The following ARMH3 variants were observed in gnomAD, a reference collection of about 807,000 sequenced individuals.
ARMH3 encodes armadillo like helical domain containing 3, also known as armadillo-like helical domain-containing protein 3.
A neutral mutation model predicts 99.1 loss-of-function variants in ARMH3; 60 were observed. The observed-to-expected ratio is 0.61, with a 90% CI of 0.49 to 0.75. The LOEUF is 0.75. ARMH3 is among the 30% of genes least tolerant of loss of function. The pLI, the probability that ARMH3 is intolerant of heterozygous loss-of-function variation, is 0.00. For synonymous variants in ARMH3, 285 were observed against 292.8 expected, an observed-to-expected ratio of 0.97 and a Z score of 0.27; for missense variants, 679 against 843.1, an observed-to-expected ratio of 0.81 and a Z score of 2.41.
intron 23 of ARMH3, among the ~76,000 whole-genome samples, chr10:101,893,792 C>T (rs544893461): frequency 6.6e-5 from 10 of 152,142 alleles, no homozygotes; most frequent in Admixed American, 5.9e-4. Flanking sequence ...GAAGGCATTA[C>T]CTTCAAAATG....
intron 24 of ARMH3, among the ~76,000 whole-genome samples, chr10:101,852,040 TG>T (rs199640039): frequency 3.8e-3 from 3 of 798 alleles, no homozygotes; most frequent in African/African-American, 4.5e-3. Context: ...TCCTCCAAGA[TG>T]GAAATCAGCC....
chr10:102,055,636 G>T (rs757499535), intron 1 of ARMH3, among the ~76,000 whole-genome samples: 6 of 152,204 alleles, frequency 3.9e-5, no homozygotes, highest in Non-Finnish European at 7.3e-5. Flanking sequence ...GCCCTTCCGG[G>T]ACACCTGAAG....
chr10:101,916,543 G>A (rs893115589), intron 23 of ARMH3, among the ~76,000 whole-genome samples: 11 of 152,170 alleles, frequency 7.2e-5, no homozygotes, highest in African/African-American at 2.4e-4. Flanking sequence ...ACCCTTCCCT[G>A]TGAAGAACTA....
chr10:101,848,998 A>C lies in ARMH3; in HGVS notation c.1977+778T>G, dbSNP rs573766201. ...AGTTGGGCTGTGTTTAGCACAAGAC[A>C]AACGATCTAATACGCAGTGCCTTCA... On this transcript the variant is annotated intron_variant, in intron 25 of 25. Transcript: ENST00000370033. Among the ~76,000 whole-genome samples the C allele has an allele frequency of 1.1e-4, 16 of 152,338 alleles. No individual in the cohort carries two copies. The South Asian group carries it at 3.3e-3, about 32-fold the overall frequency.
chr10:101,852,716 T>G (rs1478041929), intron 24 of ARMH3, among the ~76,000 whole-genome samples: 2 of 150,430 alleles, frequency 1.3e-5, no homozygotes, highest in Non-Finnish European at 3.0e-5. Context: ...ATCACGCCAC[T>G]GCACTACTGC....
chr10:101,906,923 T>C (rs1473096892), intron 23 of ARMH3, among the ~76,000 whole-genome samples: 1 of 152,178 alleles, frequency 6.6e-6, no homozygotes, highest in East Asian at 1.9e-4. Context: ...AGTTTCTCTA[T>C]TCTAGGAAAA....
At chr10:102,008,198 T>C (rs1405972832) in intron 13 of ARMH3, among the ~76,000 whole-genome samples, 1 of 152,194 alleles carries the variant, frequency 6.6e-6, no homozygotes, top group Admixed American at 6.5e-5. Context: ...AACTCTTAAG[T>C]GTTCTATGAA....
chr10:101,962,854 A>G lies in ARMH3; in HGVS notation c.1496-5122T>C, dbSNP rs146879021. 1.1e-4 allele frequency among the ~76,000 whole-genome samples: 17 copies of G among 152,290 alleles called. No homozygotes were observed. The East Asian group carries it at 2.5e-3, about 22-fold the overall frequency. ...GGGATACAGGAGCTATCTAGGGCCA[A>G]TATCTATATTTGCCACCAAAAACCA... On this transcript the variant is annotated intron_variant, in intron 20 of 25. Transcript: ENST00000370033.
intron 19 of ARMH3, among the ~76,000 whole-genome samples, chr10:101,988,386 C>A (rs796074819): frequency 6.6e-5 from 10 of 152,182 alleles, no homozygotes; most frequent in African/African-American, 2.4e-4. Context: ...ATAGCAAAAA[C>A]AAATCTGAAC....
intron 24 of ARMH3, among the ~76,000 whole-genome samples, chr10:101,854,416 A>C (rs2066683358): frequency 6.6e-6 from 1 of 152,234 alleles, no homozygotes; most frequent in South Asian, 2.1e-4. Context: ...TTCACAGTCC[A>C]GGAAGTACCT....
chr10:101,978,501 A>C (rs900163105), intron 19 of ARMH3, among the ~76,000 whole-genome samples: 1 of 152,254 alleles, frequency 6.6e-6, no homozygotes, highest in Non-Finnish European at 1.5e-5. Context: ...TGTATACAAA[A>C]GAAAAACACA....
chr10:101,883,984 T>G (rs1049563508), intron 24 of ARMH3, among the ~76,000 whole-genome samples: 1 of 150,514 alleles, frequency 6.6e-6, no homozygotes, highest in Admixed American at 6.7e-5. Flanking sequence ...CAGAGGGAGA[T>G]CTCACACACA....
chr10:101,937,519 C>CAAAAAA (rs1231569417), intron 23 of ARMH3, among the ~76,000 whole-genome samples: 1 of 92,672 alleles, frequency 1.1e-5, no homozygotes, highest in Non-Finnish European at 2.3e-5. Flanking sequence ...ACCCTGTCTC[C>CAAAAAA]AAAAAAAAAA....
intron 23 of ARMH3, among the ~76,000 whole-genome samples, chr10:101,932,033 T>C (rs1843742697): frequency 6.6e-6 from 1 of 151,984 alleles, no homozygotes; most frequent in Admixed American, 6.6e-5. Context: ...ATATCTAGAA[T>C]AAAGAACTCC....
At chr10:101,914,410 C>T (rs1425551223) in intron 23 of ARMH3, among the ~76,000 whole-genome samples, 2 of 149,942 alleles carry the variant, frequency 1.3e-5, no homozygotes, top group East Asian at 3.9e-4. Context: ...ATTGTTTGAA[C>T]TCAGGAGGCA....
chr10:101,885,901 C>A (rs2067528444), intron 24 of ARMH3, among the ~76,000 whole-genome samples: 1 of 151,574 alleles, frequency 6.6e-6, no homozygotes, highest in Non-Finnish European at 1.5e-5. Flanking sequence ...CTAAAAAATA[C>A]AAAAAATTAG....
chr10:101,980,646 C>G lies in ARMH3; in HGVS notation c.1407-5346G>C, dbSNP rs956356028. Among the ~76,000 whole-genome samples the G allele has an allele frequency of 2.0e-5, 3 of 152,032 alleles. No individual in the cohort carries two copies. In the South Asian group the frequency reaches 6.2e-4, roughly 32 times the overall value. ...GCTATAACCCGAGACAAAGAATATC[C>G]CAAGACCCTACTGACTTTAGCAGAC... is the stretch of plus-strand genomic sequence containing the variant. On this transcript the variant is annotated intron_variant, in intron 19 of 25. Transcript: ENST00000370033.
intron 4 of ARMH3, among the ~76,000 whole-genome samples, 184 bp from the exon 5 acceptor site, chr10:102,029,929 T>G (rs975063306): frequency 6.2e-5 from 9 of 145,572 alleles, no homozygotes; most frequent in Non-Finnish European, 9.1e-5. Flanking sequence ...TGTTTGTTTG[T>G]TTTTTTTTTT....
intron 23 of ARMH3, among the ~76,000 whole-genome samples, chr10:101,909,448 T>A (rs1842779594): frequency 6.8e-6 from 1 of 146,458 alleles, no homozygotes; most frequent in Non-Finnish European, 1.5e-5. Flanking sequence ...GAGGAAGGTA[T>A]GTTGCAAGCT....
Sources: allele counts gnomAD v4.1 joint callset (sites outside exome capture counted in the v4.1 genomes callset), GRCh38; gene constraint gnomAD v4.1.1; transcripts MANE v1.5; gene names NCBI Gene and HGNC (gene_info 2026-07-23, HGNC 2026-07-21).